Variants in TMEFF2 observed in about 807,000 individuals in gnomAD.
The protein encoded by TMEFF2 is tomoregulin-2.
TMEFF2 carries 28 observed loss-of-function variants against 53.8 expected under a neutral mutation model. The ratio of observed to expected loss-of-function variants is 0.52; its 90% CI spans 0.39 to 0.71. The LOEUF (loss-of-function observed/expected upper bound fraction) is 0.71. Among genes scored for constraint, TMEFF2 ranks in the 30% least tolerant of loss-of-function variants. The probability of loss-of-function intolerance (pLI) is 0.00; values close to 1 mark genes in which losing one functional copy is unlikely to be tolerated. For synonymous variants in TMEFF2, 162 were observed against 166.3 expected (o/e 0.97, Z 0.20); for missense variants, 353 against 455.2 (o/e 0.78, Z 2.04).
chr2:192,075,911 AAGG>A (rs1688421138), intron 4 of TMEFF2, among the ~76,000 whole-genome samples: 1 of 152,002 alleles, frequency 6.6e-6, no homozygotes, highest in Non-Finnish European at 1.5e-5. Flanking sequence ...GGAAGAGAAA[AAGG>A]AGGAACAAAT....
intron 7 of TMEFF2, among the ~76,000 whole-genome samples, chr2:191,969,135 GTATCTA>G (rs1559065934): frequency 3.6e-5 from 3 of 82,924 alleles, no homozygotes; most frequent in Non-Finnish European, 7.4e-5. Flanking sequence ...ATGTGTGTGT[GTATCTA>G]TGTGTGTGTG....
At chr2:192,193,802 A>G (rs938370385) in intron 1 of TMEFF2, among the ~76,000 whole-genome samples, 4 of 147,302 alleles carry the variant, frequency 2.7e-5, no homozygotes, top group Non-Finnish European at 4.5e-5. Context: ...AGAGAGAGAG[A>G]GAGAGAAATT....
intron 5 of TMEFF2, among the ~76,000 whole-genome samples, chr2:192,008,307 C>T (rs564201753): frequency 2.0e-5 from 3 of 152,312 alleles, no homozygotes; most frequent in Admixed American, 6.5e-5. Context: ...GTTGCTCCCA[C>T]GTCCCTCTTC....
At chr2:192,123,632 C>A (rs1054208907) in intron 4 of TMEFF2, among the ~76,000 whole-genome samples, 9 of 152,272 alleles carry the variant, frequency 5.9e-5, no homozygotes, top group Admixed American at 4.6e-4. Context: ...TCCACTACAA[C>A]CCAACATCGG....
chr2:192,104,512 C>T (rs1269518114), intron 4 of TMEFF2, among the ~76,000 whole-genome samples: 1 of 151,958 alleles, frequency 6.6e-6, no homozygotes, highest in African/African-American at 2.4e-5. Flanking sequence ...ATATATGAAA[C>T]CATTAAAATG....
chr2:191,964,333 CTTCT>C (rs368928481), intron 7 of TMEFF2, among the ~76,000 whole-genome samples: 7,228 of 70,672 alleles, frequency 0.1, 632 homozygotes, highest in East Asian at 0.28. Flanking sequence ...CCTTTCTTTC[CTTCT>C]TTCTTTCTTT....
At chr2:192,041,804 G>C (rs1476964275) in intron 5 of TMEFF2, among the ~76,000 whole-genome samples, 3 of 152,196 alleles carry the variant, frequency 2.0e-5, no homozygotes, top group Non-Finnish European at 4.4e-5. Context: ...GAAAAGGAGA[G>C]AGATGGGGGA....
At chr2:192,161,951 G>C (rs1037085873) in intron 4 of TMEFF2, among the ~76,000 whole-genome samples, 1 of 152,150 alleles carries the variant, frequency 6.6e-6, no homozygotes, top group Non-Finnish European at 1.5e-5. Flanking sequence ...CCATATTAAA[G>C]GTTCTAAAAT....
At chr2:191,957,806 CTG>C (rs1692152660) in intron 7 of TMEFF2, among the ~76,000 whole-genome samples, 1 of 152,152 alleles carries the variant, frequency 6.6e-6, no homozygotes, top group Non-Finnish European at 1.5e-5. Flanking sequence ...TGTTTCTTAT[CTG>C]TGTCTCTTTA....
chr2:192,028,577 GT>G (rs1687034613), intron 5 of TMEFF2: 1 of 151,990 alleles, frequency 6.6e-6, no homozygotes, highest in African/African-American at 2.4e-5. Context: ...TATGACACTG[GT>G]GGAAAAAGAC....
At chr2:191,976,330 A>C (rs1192613138) in intron 7 of TMEFF2, among the ~76,000 whole-genome samples, 1 of 152,224 alleles carries the variant, frequency 6.6e-6, no homozygotes, top group Non-Finnish European at 1.5e-5. Flanking sequence ...AAGAGCTGGC[A>C]AATAATCAGC....
intron 7 of TMEFF2, among the ~76,000 whole-genome samples, chr2:191,989,456 C>T (rs369419164): frequency 3.2e-4 from 49 of 152,192 alleles, no homozygotes; most frequent in South Asian, 4.2e-4. Flanking sequence ...TGTTTTAGCT[C>T]GATGCCTTGA....
At chr2:192,015,413 G>A (rs1450240634) in intron 5 of TMEFF2, among the ~76,000 whole-genome samples, 1 of 145,322 alleles carries the variant, frequency 6.9e-6, no homozygotes, top group Non-Finnish European at 1.5e-5. Context: ...CATAATCTGC[G>A]ATATGTGTGC....
chr2:192,012,412 G>A (rs1686651579), intron 5 of TMEFF2, among the ~76,000 whole-genome samples: 1 of 152,160 alleles, frequency 6.6e-6, no homozygotes, highest in Non-Finnish European at 1.5e-5. Flanking sequence ...AGACTTGACA[G>A]TTATCAGGCA....
intron 4 of TMEFF2, among the ~76,000 whole-genome samples, chr2:192,167,700 TG>T: frequency 6.6e-6 from 1 of 152,236 alleles, no homozygotes; most frequent in Middle Eastern, 3.4e-3. Context: ...AGCAAACAGA[TG>T]AGATAAAAGA....
intron 7 of TMEFF2, among the ~76,000 whole-genome samples, chr2:191,994,496 CATATAT>C (rs985948590): frequency 6.7e-6 from 1 of 149,376 alleles, no homozygotes; most frequent in African/African-American, 2.5e-5. Context: ...AGAAAATATA[CATATAT>C]ATACTGGATA....
chr2:192,001,688 T>A (rs951741418), intron 5 of TMEFF2, among the ~76,000 whole-genome samples: 1 of 152,178 alleles, frequency 6.6e-6, no homozygotes, highest in Non-Finnish European at 1.5e-5. Flanking sequence ...ATAAGTCTCA[T>A]GAGATCTGAT....
intron 4 of TMEFF2, among the ~76,000 whole-genome samples, chr2:192,166,710 G>A (rs1191642331): frequency 6.6e-6 from 1 of 152,078 alleles, no homozygotes; most frequent in Admixed American, 6.6e-5. Context: ...AGACTCCAGG[G>A]GCCAGGAGAA....
intron 4 of TMEFF2, among the ~76,000 whole-genome samples, chr2:192,062,714 C>T (rs1365358028): frequency 6.6e-6 from 1 of 152,096 alleles, no homozygotes; most frequent in East Asian, 1.9e-4. Flanking sequence ...AAAAGTCAAA[C>T]TTGATCTTGG....
Sources: allele counts gnomAD v4.1 joint callset (sites outside exome capture counted in the v4.1 genomes callset), GRCh38; gene constraint gnomAD v4.1.1; transcripts MANE v1.5; gene names NCBI Gene and HGNC (gene_info 2026-07-23, HGNC 2026-07-21).